AP2B1: variants seen among roughly 807,000 people sequenced by gnomAD.
The protein encoded by AP2B1 is AP-2 complex subunit beta.
Under a neutral mutation model 102.0 loss-of-function variants are expected in AP2B1, and 23 were observed. The ratio of observed to expected loss-of-function variants is 0.23; its 90% CI spans 0.16 to 0.32. The LOEUF (loss-of-function observed/expected upper bound fraction) is 0.32, where lower values mean the gene tolerates loss of function less well. Among genes scored for constraint, AP2B1 ranks in the 10% least tolerant of loss-of-function variants. AP2B1 has a pLI of 1.00. For missense variants in AP2B1, 541 were observed against 1,157.4 expected, an observed-to-expected ratio of 0.47 and a Z score of 7.73; for synonymous variants, 381 against 421.2, an observed-to-expected ratio of 0.90 and a Z score of 1.17.
At chr17:35,616,513 G>A (rs956672259) in intron 5 of AP2B1, among the ~76,000 whole-genome samples, 2 of 152,114 alleles carry the variant, frequency 1.3e-5, no homozygotes, top group African/African-American at 4.8e-5. Context: ...TTACAGAAAA[G>A]TTACAAAGAC....
chr17:35,716,992 G>A (rs1317161932), intron 20 of AP2B1, among the ~76,000 whole-genome samples: 1 of 152,198 alleles, frequency 6.6e-6, no homozygotes, highest in Non-Finnish European at 1.5e-5. Flanking sequence ...TTCAGTCCTG[G>A]AATGTGATAG....
chr17:35,624,591 A>T lies in AP2B1; in HGVS notation c.716+4A>T. On this transcript the variant is annotated splice_donor_region_variant and intron_variant, in intron 6 of 21. Transcript: ENST00000610402. Reference sequence around the variant, plus strand: ...AAGATGATCGGGAGGCTCAGAGGTCAGTCTGTTTTCCTGGCTACTTTCTGG... The same window carrying T: ...AAGATGATCGGGAGGCTCAGAGGTCTGTCTGTTTTCCTGGCTACTTTCTGG... The T allele has an allele frequency of 6.2e-7, 1 of 1,607,848 alleles. No homozygotes were observed. The highest frequency in any genetic ancestry group is 2.2e-5 in the East Asian group (1 of 44,782).
At chr17:35,607,545 A>G (rs550820240) in intron 4 of AP2B1, among the ~76,000 whole-genome samples, 1 of 152,310 alleles carries the variant, frequency 6.6e-6, no homozygotes. Flanking sequence ...TTCTTTCTCC[A>G]TATTCTATTT....
intron 12 of AP2B1, among the ~76,000 whole-genome samples, chr17:35,650,024 A>C (rs1376806564): frequency 6.6e-6 from 1 of 151,762 alleles, no homozygotes; most frequent in Admixed American, 6.6e-5. Context: ...ATCTCGGCTC[A>C]CTGCGACCTC....
Position 35,672,837 on chromosome 17 carries a change from G to A in AP2B1, c.2178+937G>A, listed in dbSNP as rs77233024. ...GTAAATAATGTAAAAATGTAAGAAG[G>A]AAAATTGTCTCCCCCTGCCCCCATT... On this transcript the variant is annotated intron_variant, in intron 16 of 21. Coordinates refer to ENST00000610402, the MANE Select transcript of AP2B1 (RefSeq NM_001030006.2). Among the ~76,000 whole-genome samples, 1,295 of 152,212 alleles carry A rather than the reference G, an allele frequency of 8.5e-3. 11 individuals carry two copies. Among genetic ancestry groups the A allele is most frequent in the African/African-American group, 0.026 (1,071 of 41,542 alleles).
At chr17:35,674,006 G>A (rs1040925585) in intron 16 of AP2B1, among the ~76,000 whole-genome samples, 170 bp from the exon 17 acceptor site, 1 of 152,136 alleles carries the variant, frequency 6.6e-6, no homozygotes. Context: ...ACTCTATCCG[G>A]AGTCTTTTGC....
intron 2 of AP2B1, chr17:35,596,857 C>G: frequency 2.9e-6 from 2 of 684,560 alleles, no homozygotes. Context: ...ACAGGCCGCC[C>G]AGCAGGAAGA....
At chr17:35,604,496 A>G (rs1182037892) in intron 3 of AP2B1, among the ~76,000 whole-genome samples, 2 of 151,842 alleles carry the variant, frequency 1.3e-5, no homozygotes, top group Non-Finnish European at 2.9e-5. Flanking sequence ...GGTGGCTCAC[A>G]TCTGTAATCC....
chr17:35,663,708 C>T (rs1166605349), intron 14 of AP2B1, among the ~76,000 whole-genome samples: 1 of 152,148 alleles, frequency 6.6e-6, no homozygotes, highest in Non-Finnish European at 1.5e-5. Flanking sequence ...TGGTGTGTTA[C>T]CACTTAGAAT....
intron 12 of AP2B1, among the ~76,000 whole-genome samples, chr17:35,648,551 TACATACATACAA>T (rs2075002078): frequency 6.6e-6 from 1 of 151,334 alleles, no homozygotes; most frequent in Non-Finnish European, 1.5e-5. Context: ...CATACATACA[TACATACATACAA>T]ATAAAACAAT....
rs569701571 is a variant in AP2B1, at chr17:35,627,245, CTTTTT to C, written c.939-120_939-116del. 780 of 177,578 alleles carry C rather than the reference CTTTTT, an allele frequency of 4.4e-3. 1 individual carries two copies. Among genetic ancestry groups the C allele is most frequent in the Non-Finnish European group, 5.5e-3 (545 of 99,148 alleles). 11.0% of individuals were successfully genotyped at this position (177,578 alleles called of 1,614,324 possible). On this transcript the variant is annotated intron_variant, in intron 7 of 21. Coordinates refer to ENST00000610402, the MANE Select transcript of AP2B1 (RefSeq NM_001030006.2). ...TAGAGGCGTATAGAGGAAGTTTATG[CTTTTT>C]TTTTTTTTTTTTTTTTTTTGCCTGA... is the stretch of plus-strand genomic sequence containing the variant.
intron 3 of AP2B1, among the ~76,000 whole-genome samples, chr17:35,605,226 T>C (rs1459938282): frequency 1.3e-5 from 2 of 150,574 alleles, no homozygotes; most frequent in Admixed American, 6.6e-5. Flanking sequence ...TTCTTTTCTT[T>C]TCTCTTTTCT....
chr17:35,676,742 C>G (rs1213676568), intron 17 of AP2B1, among the ~76,000 whole-genome samples: 1 of 152,142 alleles, frequency 6.6e-6, no homozygotes, highest in Admixed American at 6.5e-5. Context: ...ATTTGCATTT[C>G]CCTAATGACT....
chr17:35,606,777 T>C (rs952456379), intron 4 of AP2B1, among the ~76,000 whole-genome samples: 4 of 152,186 alleles, frequency 2.6e-5, no homozygotes, highest in African/African-American at 9.7e-5. Context: ...ATAAGATCTT[T>C]TATTTAAACA....
intron 20 of AP2B1, among the ~76,000 whole-genome samples, chr17:35,714,398 T>C (rs2076510768): frequency 6.6e-6 from 1 of 152,204 alleles, no homozygotes. Context: ...CTCTCTAATA[T>C]GAGTACCTGC....
At chr17:35,675,393 T>C (rs971183408) in intron 17 of AP2B1, among the ~76,000 whole-genome samples, 5 of 152,230 alleles carry the variant, frequency 3.3e-5, no homozygotes, top group African/African-American at 1.2e-4. Context: ...TTGGAAACAC[T>C]TTTGTACTCT....
intron 5 of AP2B1, among the ~76,000 whole-genome samples, chr17:35,620,048 A>C (rs12939481): frequency 0.073 from 11,099 of 152,192 alleles, 464 homozygotes; most frequent in Middle Eastern, 0.11. Context: ...AGCCTCCCAA[A>C]GTGCTGGGAT....
chr17:35,620,759 G>A (rs975641991), intron 5 of AP2B1, among the ~76,000 whole-genome samples: 1 of 152,152 alleles, frequency 6.6e-6, no homozygotes, highest in Non-Finnish European at 1.5e-5. Flanking sequence ...TGAGATTACA[G>A]TGAGCTGTGA....
chr17:35,676,724 T>C (rs991804628), intron 17 of AP2B1, among the ~76,000 whole-genome samples: 1 of 152,220 alleles, frequency 6.6e-6, no homozygotes, highest in Non-Finnish European at 1.5e-5. Flanking sequence ...TAGTAGTGTC[T>C]CATTTTAATT....
Sources: allele counts gnomAD v4.1 joint callset (sites outside exome capture counted in the v4.1 genomes callset), GRCh38; gene constraint gnomAD v4.1.1; transcripts MANE v1.5; gene names NCBI Gene and HGNC (gene_info 2026-07-23, HGNC 2026-07-21).